RHOBTB1: variants seen among roughly 807,000 people sequenced by gnomAD.
RHOBTB1 encodes Rho related BTB domain containing 1.
Under a neutral mutation model 71.6 loss-of-function variants are expected in RHOBTB1, and 40 were observed. That is an observed-to-expected ratio of 0.56 (90% CI 0.43 to 0.73). The LOEUF is 0.73. Ranked by LOEUF, RHOBTB1 falls within the 30% of genes least tolerant of loss-of-function variation. The pLI is 0.00. For synonymous variants in RHOBTB1, 319 were observed against 334.9 expected, an observed-to-expected ratio of 0.95 and a Z score of 0.52; for missense variants, 797 against 894.0, an observed-to-expected ratio of 0.89 and a Z score of 1.38.
chr10:60,931,207 A>G (rs2084231290), intron 2 of RHOBTB1, among the ~76,000 whole-genome samples: 1 of 152,166 alleles, frequency 6.6e-6, no homozygotes, highest in Non-Finnish European at 1.5e-5. Flanking sequence ...TACACATCTC[A>G]TTCTTTTAAA....
Position 60,913,958 on chromosome 10 carries a change from G to A in RHOBTB1, c.-10-2406C>T, listed in dbSNP as rs182932422. The stretch of plus-strand genomic sequence containing the variant: ...TCAGTGCCGTAACTGACACACTGAT[G>A]GTTTCAAAAATTATAATCATGATGC... On this transcript the variant is annotated intron_variant, in intron 2 of 10. Coordinates refer to ENST00000337910, the MANE Select transcript of RHOBTB1 (RefSeq NM_014836.5). 6.2e-4 allele frequency among the ~76,000 whole-genome samples: 94 copies of A among 152,202 alleles called. 1 individual carries two copies. The highest frequency in any genetic ancestry group is 2.2e-3 in the African/African-American group (92 of 41,528).
intron 2 of RHOBTB1, among the ~76,000 whole-genome samples, chr10:60,951,306 T>C (rs1160112884): frequency 4.0e-5 from 6 of 151,278 alleles, no homozygotes; most frequent in East Asian, 3.9e-4. Context: ...GAGGCTTTCC[T>C]TAATTGGCAC....
chr10:60,958,721 C>A (rs1166986381), intron 2 of RHOBTB1, among the ~76,000 whole-genome samples: 2 of 152,068 alleles, frequency 1.3e-5, no homozygotes, highest in East Asian at 3.9e-4. Context: ...CTACCTGAGT[C>A]TCCTGAGTAG....
At chr10:60,922,202 G>A (rs986272357) in intron 2 of RHOBTB1, among the ~76,000 whole-genome samples, 4 of 151,962 alleles carry the variant, frequency 2.6e-5, no homozygotes, top group Non-Finnish European at 4.4e-5. Flanking sequence ...GGAAAAGAAA[G>A]GAAAAAAGGG....
chr10:60,864,416 T>A, the RHOBTB1 span, among the ~76,000 whole-genome samples: 2 of 152,126 alleles, frequency 1.3e-5, no homozygotes, highest in African/African-American at 4.8e-5. Flanking sequence ...ATCCATCCAG[T>A]TGGCCATGGA....
chr10:60,941,491 C>A (rs886842002), intron 2 of RHOBTB1, among the ~76,000 whole-genome samples: 3 of 151,970 alleles, frequency 2.0e-5, no homozygotes, highest in Admixed American at 6.6e-5. Flanking sequence ...TAGAAGTAAA[C>A]CCTCAATTAT....
Position 60,911,459 on chromosome 10 carries a change from C to A in RHOBTB1, c.84G>T (p.Thr28=), listed in dbSNP as rs749006790. 6 of 1,614,192 alleles carry A rather than the reference C, an allele frequency of 3.7e-6. No individual in the cohort carries two copies. In the Admixed American group the frequency reaches 5.0e-5, roughly 13 times the overall value. The change falls in exon 3 of 11, where the codon ACG becomes ACT. Residue 28 remains threonine (T), a synonymous_variant. Coordinates refer to ENST00000337910, the MANE Select transcript of RHOBTB1 (RefSeq NM_014836.5). ...VVVGDNAVGK[T]RLICARACNT... is the part of the protein sequence containing the mutation. ...TGCACGCCCTGGCACAGATCAAGCG[C>A]GTCTTCCCCACGGCATTGTCACCCA...
At chr10:60,928,625 A>G (rs984480174) in intron 2 of RHOBTB1, among the ~76,000 whole-genome samples, 1 of 152,136 alleles carries the variant, frequency 6.6e-6, no homozygotes, top group African/African-American at 2.4e-5. Context: ...AGAGGCTGGA[A>G]AGGGTAGTGG....
intron 9 of RHOBTB1, among the ~76,000 whole-genome samples, chr10:60,872,787 G>T (rs1179833920): frequency 6.6e-6 from 1 of 152,170 alleles, no homozygotes; most frequent in African/African-American, 2.4e-5. Context: ...AGAAGAGCAG[G>T]CGGTATGGGC....
At chr10:60,994,917 A>G (rs1197848712) in intron 1 of RHOBTB1, among the ~76,000 whole-genome samples, 1 of 151,674 alleles carries the variant, frequency 6.6e-6, no homozygotes, top group Non-Finnish European at 1.5e-5. Flanking sequence ...ATAGATAAGT[A>G]AAAAAACAAA....
chr10:60,990,328 C>A (rs930832222), intron 1 of RHOBTB1, among the ~76,000 whole-genome samples: 2 of 152,092 alleles, frequency 1.3e-5, no homozygotes. Flanking sequence ...GTTTCTCTCT[C>A]TTTCTAGTGG....
chr10:60,862,911 T>G, the RHOBTB1 span, among the ~76,000 whole-genome samples: 3 of 90,756 alleles, frequency 3.3e-5, no homozygotes, highest in East Asian at 1.3e-3. Flanking sequence ...CTCCCTCTCC[T>G]CTTTCTTTTC....
intron 2 of RHOBTB1, among the ~76,000 whole-genome samples, chr10:60,918,012 CA>C (rs1352649192): frequency 2.6e-5 from 4 of 152,070 alleles, no homozygotes; most frequent in African/African-American, 9.7e-5. Context: ...CTTATATTAA[CA>C]AATCATGGAA....
At chr10:60,878,810 C>G (rs1412172944) in intron 7 of RHOBTB1, among the ~76,000 whole-genome samples, 3 of 152,138 alleles carry the variant, frequency 2.0e-5, no homozygotes, top group African/African-American at 7.2e-5. Context: ...CAGGCACTGC[C>G]TGGGAGGTGG....
At chr10:60,862,096 C>T in the RHOBTB1 span, among the ~76,000 whole-genome samples, 3 of 151,430 alleles carry the variant, frequency 2.0e-5, no homozygotes, top group East Asian at 5.8e-4. Context: ...TCCTTCTTTC[C>T]CTTCTTCCTT....
At chr10:60,863,813 A>G in the RHOBTB1 span, among the ~76,000 whole-genome samples, 1 of 152,152 alleles carries the variant, frequency 6.6e-6, no homozygotes, top group Non-Finnish European at 1.5e-5. Context: ...AATCACAGGC[A>G]TGATCCACTG....
At position 60,875,159 on chromosome 10, in the gene RHOBTB1, G is replaced by A. The variant is rs2080991311; in HGVS notation, c.1727-117C>T. On this transcript the variant is annotated intron_variant, in intron 8 of 10. Coordinates refer to ENST00000337910, the MANE Select transcript of RHOBTB1 (RefSeq NM_014836.5). ...GGGAGGAAATGTGGGACACAGCTCT[G>A]GGCAGGCATCTGAATTAAATCCAGA... The A allele has an allele frequency of 1.3e-5, 9 of 712,944 alleles. No homozygotes were observed. The Admixed American group carries it at 1.7e-4, about 14-fold the overall frequency. The allele number at this position is 712,944 out of a possible 1,614,324, so 44.2% of individuals were successfully genotyped here. A position where few individuals can be genotyped will look rare whatever the true frequency, so the allele number is the denominator to read the frequency against.
the RHOBTB1 span, among the ~76,000 whole-genome samples, chr10:60,861,147 C>A: frequency 2.0e-5 from 3 of 152,102 alleles, no homozygotes; most frequent in African/African-American, 7.2e-5. Context: ...GGTTACCTCC[C>A]TGCAAAATAG....
chr10:60,986,222 C>T (rs1160683932), intron 1 of RHOBTB1, among the ~76,000 whole-genome samples: 2 of 151,810 alleles, frequency 1.3e-5, no homozygotes, highest in Non-Finnish European at 2.9e-5. Context: ...GGTGATGCTT[C>T]CCTCATCTTC....
Sources: gnomAD v4.1 joint callset for allele counts (sites outside exome capture counted in the v4.1 genomes callset) on GRCh38, gnomAD v4.1.1 for gene constraint, MANE v1.5 for transcripts, NCBI Gene and HGNC (gene_info 2026-07-23, HGNC 2026-07-21) for gene names.